Variants in NRXN3 observed in about 807,000 individuals in gnomAD.
NRXN3 encodes neurexin III.
NRXN3 carries 32 observed loss-of-function variants against 137.6 expected under a neutral mutation model. The observed-to-expected ratio is 0.23, with a 90% CI of 0.18 to 0.31. The LOEUF is 0.31. Among genes scored for constraint, NRXN3 ranks in the 10% least tolerant of loss-of-function variants. The pLI, the probability that NRXN3 is intolerant of heterozygous loss-of-function variation, is 1.00. For synonymous variants in NRXN3, 798 were observed against 784.5 expected (o/e 1.02, Z -0.29); for missense variants, 1,574 against 2,062.5 (o/e 0.76, Z 4.59).
chr14:78,368,565 A>G (rs2086343296), intron 4 of NRXN3, among the ~76,000 whole-genome samples: 1 of 152,146 alleles, frequency 6.6e-6, no homozygotes, highest in Admixed American at 6.5e-5. Flanking sequence ...CACTGTGGCG[A>G]GCACCAGTAA....
intron 6 of NRXN3, among the ~76,000 whole-genome samples, chr14:78,659,193 G>A (rs747407946): frequency 1.3e-5 from 2 of 152,170 alleles, no homozygotes; most frequent in Non-Finnish European, 2.9e-5. Flanking sequence ...GACAGAGGGA[G>A]AAGATAGCCA....
At chr14:79,238,250 G>A (rs1159142583) in intron 15 of NRXN3, among the ~76,000 whole-genome samples, 1 of 152,076 alleles carries the variant, frequency 6.6e-6, no homozygotes, top group Non-Finnish European at 1.5e-5. Flanking sequence ...CACAAATTAT[G>A]TAGTTAGTTC....
At chr14:79,173,356 C>T (rs1463673322) in intron 15 of NRXN3, among the ~76,000 whole-genome samples, 1 of 151,336 alleles carries the variant, frequency 6.6e-6, no homozygotes, top group Non-Finnish European at 1.5e-5. Flanking sequence ...ATGATGAGAC[C>T]CTATCTTTAC....
chr14:79,198,896 G>A (rs1054462879), intron 15 of NRXN3, among the ~76,000 whole-genome samples: 3 of 152,158 alleles, frequency 2.0e-5, no homozygotes, highest in Non-Finnish European at 2.9e-5. Context: ...GGCCAGGTGC[G>A]GTGGCTCACG....
intron 4 of NRXN3, among the ~76,000 whole-genome samples, chr14:78,363,244 A>G (rs1422061366): frequency 6.6e-6 from 1 of 152,176 alleles, no homozygotes; most frequent in Admixed American, 6.5e-5. Flanking sequence ...ATGGCCCGTC[A>G]TGAAGCACTC....
chr14:78,313,439 C>T (rs1317724550), intron 4 of NRXN3, among the ~76,000 whole-genome samples: 1 of 151,996 alleles, frequency 6.6e-6, no homozygotes, highest in Admixed American at 6.6e-5. Context: ...CTGAAATAAT[C>T]CTCCAGTTTC....
chr14:78,763,774 G>A (rs2098700238), intron 8 of NRXN3, among the ~76,000 whole-genome samples: 1 of 152,178 alleles, frequency 6.6e-6, no homozygotes, highest in Non-Finnish European at 1.5e-5. Context: ...GTTTCCCTGG[G>A]ACACACAGCT....
chr14:79,578,247 A>C (rs1195577127), intron 16 of NRXN3, among the ~76,000 whole-genome samples: 1 of 152,170 alleles, frequency 6.6e-6, no homozygotes, highest in African/African-American at 2.4e-5. Flanking sequence ...AGAGCTCCAG[A>C]TGTGTAGCTT....
At position 79,648,205 on chromosome 14, in the gene NRXN3, C is replaced by A. The variant is rs541402804; in HGVS notation, c.3445-15573C>A. Among the ~76,000 whole-genome samples the A allele has an allele frequency of 1.1e-3, 152 of 133,552 alleles. 26 individuals carry two copies. Among genetic ancestry groups the A allele is most frequent in the South Asian group, 1.4e-3 (6 of 4,198 alleles). The allele number at this position is 133,552 out of a possible 152,430, so 87.6% of individuals were successfully genotyped here. A position where few individuals can be genotyped will look rare whatever the true frequency, so the allele number is the denominator to read the frequency against. On this transcript the variant is annotated intron_variant, in intron 16 of 20. Transcript: ENST00000335750. ...TATACAAAACAAACAAACAAACAAA[C>A]AAACAAAAAACAGAAAACTTGATGA...
intron 8 of NRXN3, among the ~76,000 whole-genome samples, chr14:78,794,039 A>G (rs550332527): frequency 6.6e-6 from 1 of 152,308 alleles, no homozygotes; most frequent in East Asian, 1.9e-4. Flanking sequence ...CTCATTTTTC[A>G]TAGGAATAAG....
intron 10 of NRXN3, among the ~76,000 whole-genome samples, chr14:78,831,393 G>A (rs1173584813): frequency 2.0e-5 from 3 of 151,716 alleles, no homozygotes; most frequent in African/African-American, 4.8e-5. Context: ...AAAATTAGCC[G>A]GGCGTGGTTG....
At chr14:79,770,255 A>T (rs958213621) in intron 19 of NRXN3, among the ~76,000 whole-genome samples, 1 of 152,140 alleles carries the variant, frequency 6.6e-6, no homozygotes, top group African/African-American at 2.4e-5. Flanking sequence ...AATTGAACTC[A>T]GCTCTGCACC....
chr14:79,712,749 C>G (rs890313001), intron 19 of NRXN3, among the ~76,000 whole-genome samples: 1 of 152,146 alleles, frequency 6.6e-6, no homozygotes, highest in Non-Finnish European at 1.5e-5. Flanking sequence ...TGGAGGTCTC[C>G]CTTCTGGAGT....
At chr14:79,078,271 C>T (rs1001381266) in intron 15 of NRXN3, among the ~76,000 whole-genome samples, 1 of 152,104 alleles carries the variant, frequency 6.6e-6, no homozygotes, top group Non-Finnish European at 1.5e-5. Flanking sequence ...GTCAAAGTAG[C>T]TCACAAGATA....
At chr14:78,764,807 T>A (rs533115007) in intron 8 of NRXN3, among the ~76,000 whole-genome samples, 1 of 151,898 alleles carries the variant, frequency 6.6e-6, no homozygotes, top group Non-Finnish European at 1.5e-5. Flanking sequence ...TCGAGAGGAG[T>A]GCACCATTAG....
chr14:79,115,283 C>T (rs897636986), intron 15 of NRXN3, among the ~76,000 whole-genome samples: 2 of 149,142 alleles, frequency 1.3e-5, no homozygotes, highest in African/African-American at 5.0e-5. Context: ...CGAGATTGCG[C>T]CATTGCACTC....
intron 17 of NRXN3, among the ~76,000 whole-genome samples, chr14:79,690,415 C>T (rs184162603): frequency 5.5e-4 from 83 of 152,148 alleles, no homozygotes; most frequent in African/African-American, 1.9e-3. Flanking sequence ...CTGCCCTCTC[C>T]ATTTTTTTCT....
intron 19 of NRXN3, among the ~76,000 whole-genome samples, chr14:79,788,051 A>C (rs144879752): frequency 0.01 from 1,591 of 152,304 alleles, 39 homozygotes; most frequent in Admixed American, 0.049. Context: ...TGGACTTCAC[A>C]GCTCCACATG....
At chr14:78,631,761 A>G (rs556647196) in intron 4 of NRXN3, among the ~76,000 whole-genome samples, 1 of 151,834 alleles carries the variant, frequency 6.6e-6, no homozygotes, top group South Asian at 2.1e-4. Context: ...TTGGCTTTGG[A>G]TGGGGTTGTT....
Sources: allele counts gnomAD v4.1 joint callset (sites outside exome capture counted in the v4.1 genomes callset), GRCh38; gene constraint gnomAD v4.1.1; transcripts MANE v1.5; gene names NCBI Gene and HGNC (gene_info 2026-07-23, HGNC 2026-07-21).